Variants in DOCK5 observed in about 807,000 individuals in gnomAD.
DOCK5 encodes dedicator of cytokinesis protein 5.
Under a neutral mutation model 251.8 loss-of-function variants are expected in DOCK5, and 142 were observed. The observed-to-expected ratio is 0.56, with a 90% CI of 0.49 to 0.65. The LOEUF is 0.65. DOCK5 is among the 30% of genes least tolerant of loss of function. DOCK5 has a pLI of 0.00. For synonymous variants in DOCK5, 842 were observed against 835.5 expected (o/e 1.01, Z -0.13); for missense variants, 2,111 against 2,312.3 (o/e 0.91, Z 1.79).
chr8:25,237,290 G>C lies in DOCK5; in HGVS notation c.44-6384G>C, dbSNP rs1403357731. 3.9e-5 allele frequency among the ~76,000 whole-genome samples: 6 copies of C among 152,168 alleles called. No homozygotes were observed. In the South Asian group the frequency reaches 1.2e-3, roughly 32 times the overall value. Reference sequence around the variant, plus strand: ...GGGATGAGGCGGGAGGATCACCAGAGCCTAGGGAGGTCAAGGCTACAGTGA... The same window carrying C: ...GGGATGAGGCGGGAGGATCACCAGACCCTAGGGAGGTCAAGGCTACAGTGA... On this transcript the variant is annotated intron_variant, in intron 1 of 51. Transcript: ENST00000276440.
intron 1 of DOCK5, among the ~76,000 whole-genome samples, chr8:25,214,366 CGTGTTGG>C (rs992254351): frequency 5.3e-5 from 8 of 152,036 alleles, no homozygotes; most frequent in Non-Finnish European, 8.8e-5. Context: ...GCCTGGACCC[CGTGTTGG>C]GTGTGTGTCT....
At chr8:25,240,278 A>T (rs533426673) in intron 1 of DOCK5, among the ~76,000 whole-genome samples, 2,459 of 133,190 alleles carry the variant, frequency 0.018, 75 homozygotes, top group African/African-American at 0.072. Context: ...AAATCTACTT[A>T]AAAAAAAAAA....
At chr8:25,325,921 A>T (rs1053423103) in intron 18 of DOCK5, among the ~76,000 whole-genome samples, 137 of 152,298 alleles carry the variant, frequency 9.0e-4, no homozygotes, top group African/African-American at 3.2e-3. Flanking sequence ...TGGCAAAGAA[A>T]TATAATCAGT....
chr8:25,344,126 G>A (rs539803365), intron 25 of DOCK5, among the ~76,000 whole-genome samples: 2 of 152,178 alleles, frequency 1.3e-5, no homozygotes, highest in Admixed American at 1.3e-4. Flanking sequence ...TTCTTTAGGG[G>A]GTAGGCTGGC....
intron 1 of DOCK5, among the ~76,000 whole-genome samples, chr8:25,213,384 A>T (rs1802151193): frequency 6.7e-6 from 1 of 149,908 alleles, no homozygotes. Flanking sequence ...AAAAAAAAAA[A>T]GCTGATAATC....
chr8:25,382,433 C>T (rs1192496983), intron 39 of DOCK5, among the ~76,000 whole-genome samples: 3 of 152,200 alleles, frequency 2.0e-5, no homozygotes, highest in South Asian at 2.1e-4. Context: ...AGAATTCCAA[C>T]GTGCACACAC....
At chr8:25,297,222 G>A (rs1262145125) in intron 7 of DOCK5, among the ~76,000 whole-genome samples, 3 of 151,412 alleles carry the variant, frequency 2.0e-5, no homozygotes, top group Admixed American at 6.6e-5. Context: ...AGCCTCCCGA[G>A]TAGCTGGGAT....
Position 25,310,395 on chromosome 8 carries a change from A to G in DOCK5, c.1193-12A>G, listed in dbSNP as rs1417880730. 1 of 1,594,934 alleles carries G rather than the reference A, an allele frequency of 6.3e-7. No homozygotes were observed. Among genetic ancestry groups the G allele is most frequent in the East Asian group, 2.2e-5 (1 of 44,728 alleles). On this transcript the variant is annotated splice_polypyrimidine_tract_variant and intron_variant, in intron 12 of 51. Coordinates refer to ENST00000276440, the MANE Select transcript of DOCK5 (RefSeq NM_024940.8). ...ACAAAGAACTAAACGTTTATCTTTT[A>G]TTTCTTTTAAGGCCTTTGGGTATCC... is the stretch of plus-strand genomic sequence containing the variant.
At chr8:25,204,745 T>C (rs1007505935) in intron 1 of DOCK5, among the ~76,000 whole-genome samples, 1 of 152,208 alleles carries the variant, frequency 6.6e-6, no homozygotes, top group Non-Finnish European at 1.5e-5. Flanking sequence ...GGCTAAGTCA[T>C]ACGTTAATAG....
At position 25,414,420 on chromosome 8, in the gene DOCK5, T is replaced by G. The variant is rs1314083223; in HGVS notation, c.*3122T>G. On this transcript the variant is annotated 3_prime_UTR_variant, in exon 52 of 52. Transcript: ENST00000276440. ...CCTCTGATTCCAGAATTGCAGTCAT[T>G]TTCTTCTGCCAAGGAAATCCATTAA... 2.6e-5 allele frequency: 4 copies of G among 152,222 alleles called. No homozygotes were observed. The highest frequency in any genetic ancestry group is 2.6e-4 in the Admixed American group (4 of 15,276). The allele number at this position is 152,222 out of a possible 1,614,324, so 9.4% of individuals were successfully genotyped here. A position where few individuals can be genotyped will look rare whatever the true frequency, so the allele number is the denominator to read the frequency against.
intron 1 of DOCK5, among the ~76,000 whole-genome samples, chr8:25,213,897 A>G (rs1263580994): frequency 1.3e-5 from 2 of 152,212 alleles, no homozygotes; most frequent in Non-Finnish European, 2.9e-5. Flanking sequence ...CCTTATGGAA[A>G]GTACTTGAGA....
At chr8:25,407,033 G>A (rs1801534979) in intron 48 of DOCK5, among the ~76,000 whole-genome samples, 1 of 152,030 alleles carries the variant, frequency 6.6e-6, no homozygotes, top group Non-Finnish European at 1.5e-5. Flanking sequence ...GAATATTTAA[G>A]CTGTATCCTT....
Position 25,408,933 on chromosome 8 carries a change from G to A in DOCK5, c.5397G>A (p.Arg1799=), listed in dbSNP as rs759100498. 2 of 1,613,952 alleles carry A rather than the reference G, an allele frequency of 1.2e-6. No homozygotes were observed. The highest frequency in any genetic ancestry group is 1.7e-6 in the Non-Finnish European group (2 of 1,179,888). ...SPPPLTPKAT[R]TLSSPSLQTD... ...CTCCACTCACTCCCAAAGCCACCAG[G>A]ACCCTAAGTAAGTTTTCCTGTATTC... Residue 1799 remains arginine, a synonymous_variant, in exon 50 of 52, where the codon AGG becomes AGA. Coordinates refer to ENST00000276440, the MANE Select transcript of DOCK5 (RefSeq NM_024940.8).
At chr8:25,280,972 G>GT (rs74728067) in intron 5 of DOCK5, among the ~76,000 whole-genome samples, 3,616 of 138,614 alleles carry the variant, frequency 0.026, 81 homozygotes, top group African/African-American at 0.068. Context: ...TGGGAAAGGA[G>GT]TTTTTTTTTT....
chr8:25,383,608 G>A (rs1268730488), intron 40 of DOCK5, among the ~76,000 whole-genome samples: 7 of 152,074 alleles, frequency 4.6e-5, no homozygotes, highest in Middle Eastern at 3.2e-3. Context: ...TAATCCCAGC[G>A]CTTTGGGAGG....
intron 34 of DOCK5, among the ~76,000 whole-genome samples, chr8:25,370,331 A>G (rs1332353106): frequency 6.6e-6 from 1 of 152,222 alleles, no homozygotes; most frequent in East Asian, 1.9e-4. Flanking sequence ...TAGTCCAGTG[A>G]TTCTGCTTAT....
chr8:25,403,794 C>T (rs1484985422), intron 48 of DOCK5, 70 bp downstream of exon 48: 7 of 1,521,804 alleles, frequency 4.6e-6, no homozygotes, highest in Non-Finnish European at 6.3e-6. Context: ...TTTAGCCACG[C>T]ATCACTCCTT....
chr8:25,288,246 CA>C (rs1804394311), intron 5 of DOCK5, among the ~76,000 whole-genome samples: 1 of 152,146 alleles, frequency 6.6e-6, no homozygotes, highest in South Asian at 2.1e-4. Flanking sequence ...ATGCTTCCCC[CA>C]AAACCCATGA....
intron 1 of DOCK5, among the ~76,000 whole-genome samples, chr8:25,204,943 G>A (rs1229544185): frequency 6.6e-6 from 1 of 152,122 alleles, no homozygotes; most frequent in Non-Finnish European, 1.5e-5. Context: ...AGCCCCTAGT[G>A]TGATGGTATT....
Sources: gnomAD v4.1 joint callset for allele counts (sites outside exome capture counted in the v4.1 genomes callset) on GRCh38, gnomAD v4.1.1 for gene constraint, MANE v1.5 for transcripts, NCBI Gene and HGNC (gene_info 2026-07-23, HGNC 2026-07-21) for gene names.